Variants in PKD1 observed in about 807,000 individuals in gnomAD.
PKD1 encodes the protein polycystin-1.
A neutral mutation model predicts 361.7 loss-of-function variants in PKD1; 81 were observed. The ratio of observed to expected loss-of-function variants is 0.22; its 90% CI spans 0.19 to 0.27. The LOEUF (loss-of-function observed/expected upper bound fraction) is 0.27. Among genes scored for constraint, PKD1 ranks in the 10% least tolerant of loss-of-function variants. PKD1 has a pLI of 1.00. For synonymous variants in PKD1, 3,615 were observed against 2,818.3 expected (o/e 1.28, Z -8.95); for missense variants, 6,399 against 6,118.3 (o/e 1.05, Z -1.53).
At chr16:2,091,707 G>A in intron 41 of PKD1, 74 bp downstream of exon 41, 1 of 1,584,052 alleles carries the variant, frequency 6.3e-7, no homozygotes, top group South Asian at 1.1e-5. Flanking sequence ...GCCAGCGGGG[G>A]CCGGAGGAGT....
Position 2,116,813 on chromosome 16 carries a change from C to A in PKD1, c.1606+20G>T. The A allele has an allele frequency of 6.9e-7, 1 of 1,457,276 alleles. No homozygotes were observed. Among genetic ancestry groups the A allele is most frequent in the Non-Finnish European group, 9.3e-7 (1 of 1,077,184 alleles). The allele number at this position is 1,457,276 out of a possible 1,614,324, so 90.3% of individuals were successfully genotyped here. A position where few individuals can be genotyped will look rare whatever the true frequency, so the allele number is the denominator to read the frequency against. On this transcript the variant is annotated intron_variant, in intron 7 of 45. Coordinates refer to ENST00000262304, the MANE Select transcript of PKD1 (RefSeq NM_001009944.3). The stretch of plus-strand genomic sequence containing the variant: ...TAACCACAGCCAGCGTCTCAGGCCC[C>A]TGCCTGGCCCCCCGCACACCTCCGG...
rs376890677 is a variant in PKD1, at chr16:2,112,822, C to T, written c.3127G>A (p.Val1043Met). Residue 1043 changes from valine to methionine, a missense_variant, in exon 13 of 46, where the codon GTG (valine) becomes ATG (methionine). Transcript: ENST00000262304. ...ACCTCCACGGCCGAGTCCACCAGCA[C>T]GCCCGCCGTCAGTGCTAGCGTGGCA... ...PNATLALTAG[V>M]LVDSAVEVAF... 3.0e-5 allele frequency: 48 copies of T among 1,600,446 alleles called. No homozygotes were observed. The highest frequency in any genetic ancestry group is 3.7e-5 in the Non-Finnish European group (44 of 1,179,594).
chr16:2,104,581 G>A lies in PKD1; in HGVS notation c.8078C>T (p.Ala2693Val), dbSNP rs2092261842. ...CLKQTLHKLEAMMLILQAETT... is the reference protein window; with the variant it reads ...CLKQTLHKLEVMMLILQAETT... The stretch of plus-strand genomic sequence containing the variant: ...CTCTGCCTGCAGGATGAGCATCATG[G>A]CCTCCAGCTTGTGCAGCGTCTGCTT... The change falls in exon 22 of 46, where the codon GCC (alanine) becomes GTC (valine). Residue 2693 changes from alanine to valine, a missense_variant. Physicochemically the swap from Ala to Val is moderately conservative, Grantham distance 64. Coordinates refer to ENST00000262304, the MANE Select transcript of PKD1 (RefSeq NM_001009944.3). The A allele has an allele frequency of 1.2e-6, 2 of 1,600,300 alleles. No homozygotes were observed. The highest frequency in any genetic ancestry group is 1.7e-6 in the Non-Finnish European group (2 of 1,175,178).
rs1242083528 is a variant in PKD1, at chr16:2,090,408, G to A, written c.12321C>T (p.Arg4107=). The A allele has an allele frequency of 5.6e-6, 9 of 1,612,562 alleles. No homozygotes were observed. The East Asian group carries it at 8.9e-5, about 16-fold the overall frequency. The change falls in exon 45 of 46, where the codon CGC becomes CGT. Residue 4107 remains arginine, a synonymous_variant. Coordinates refer to ENST00000262304, the MANE Select transcript of PKD1 (RefSeq NM_001009944.3). ...GALRLGAVIL[R]WRYHALRGEL... ...CTCCACGCAAGGCGTGGTAGCGCCA[G>A]CGGAGAATAACAGCCCCCAGCCGTA...
chr16:2,119,295 G>C lies in PKD1; in HGVS notation c.287+12C>G. The C allele has an allele frequency of 9.0e-7, 1 of 1,116,174 alleles. No individual in the cohort carries two copies. Among genetic ancestry groups the C allele is most frequent in the Non-Finnish European group, 1.3e-6 (1 of 764,612 alleles). The allele number at this position is 1,116,174 out of a possible 1,614,324, so 69.1% of individuals were successfully genotyped here. Reference sequence around the variant, plus strand: ...TGAGCCCCGCATGCTGGCACGACTGGGGGACACTCACAGCTCTGCCAGCGC... The same window carrying C: ...TGAGCCCCGCATGCTGGCACGACTGCGGGACACTCACAGCTCTGCCAGCGC... On this transcript the variant is annotated intron_variant, in intron 2 of 45. Coordinates refer to ENST00000262304, the MANE Select transcript of PKD1 (RefSeq NM_001009944.3).
rs1408210059 is a variant in PKD1 at position 2,118,626 on chromosome 16, G to A, written c.529+50C>T. The A allele has an allele frequency of 5.1e-6, 5 of 972,138 alleles. No individual in the cohort carries two copies. In the East Asian group the frequency reaches 1.0e-4, roughly 20 times the overall value. The allele number at this position is 972,138 out of a possible 1,614,324, so 60.2% of individuals were successfully genotyped here. Reference sequence around the variant, plus strand: ...CCTGCCCAGTGTCTGCAGGGCCCAGGTCCCACCTGGCTGGGAAGGACAGAG... The same window carrying A: ...CCTGCCCAGTGTCTGCAGGGCCCAGATCCCACCTGGCTGGGAAGGACAGAG... On this transcript the variant is annotated intron_variant, in intron 4 of 45. Transcript: ENST00000262304. The surrounding 1 kb of genome is among the most constrained non-coding windows in gnomAD (Gnocchi z 6.0).
rs1443010363 is a variant in PKD1, at chr16:2,135,655, G to C, written c.35C>G (p.Ala12Gly). The C allele has an allele frequency of 2.5e-6, 2 of 795,004 alleles. No homozygotes were observed. The highest frequency in any genetic ancestry group is 1.2e-4 in the East Asian group (1 of 8,098). 49.2% of individuals were successfully genotyped at this position (795,004 alleles called of 1,614,324 possible). A position where few individuals can be genotyped will look rare whatever the true frequency, so the allele number is the denominator to read the frequency against. ...CCCGAGCCACAGGCCCAGGCCCAGGGCCAGCGCCAGGCGGGCGGGCGCGGC... is the reference window on the plus strand; with the variant it reads ...CCCGAGCCACAGGCCCAGGCCCAGGCCCAGCGCCAGGCGGGCGGGCGCGGC... ...PPAAPARLAL[A>G]LGLGLWLGAL... Residue 12 changes from alanine (A) to glycine (G), a missense_variant, in exon 1 of 46, where the codon GCC (alanine) becomes GGC (glycine). Physicochemically the swap from Ala to Gly is moderately conservative, Grantham distance 60 (BLOSUM62 0). Coordinates refer to ENST00000262304, the MANE Select transcript of PKD1 (RefSeq NM_001009944.3).
chr16:2,124,186 T>C (rs1358726210), intron 1 of PKD1, among the ~76,000 whole-genome samples: 3 of 152,198 alleles, frequency 2.0e-5, no homozygotes, highest in African/African-American at 4.8e-5. Context: ...TCCACACCCG[T>C]CACAGGTGGG....
rs368013485 is a variant in PKD1 at position 2,089,021 on chromosome 16, G to A, written c.*706C>T. 37 of 214,796 alleles carry A rather than the reference G, an allele frequency of 1.7e-4. No homozygotes were observed. Among genetic ancestry groups the A allele is most frequent in the South Asian group, 1.0e-3 (13 of 12,626 alleles). 13.3% of individuals were successfully genotyped at this position (214,796 alleles called of 1,614,324 possible). On this transcript the variant is annotated 3_prime_UTR_variant, in exon 46 of 46. Transcript: ENST00000262304. Reference sequence around the variant, plus strand: ...AGACCTGATGCCAGCAGGCCTGGGCGCTGCTCTCTTGCTACCTGGCCTGGG... The same window carrying A: ...AGACCTGATGCCAGCAGGCCTGGGCACTGCTCTCTTGCTACCTGGCCTGGG...
rs543166733 is a variant in PKD1, at chr16:2,114,809, G to C, written c.2214C>G (p.Pro738=). ...HCSPAPGHPG[P]RAPYLSANAS... ...CGTTGGCGGAGAGGTACGGGGCCCG[G>C]GGACCAGGGTGGCCGGGAGCCGGCG... The change falls in exon 11 of 46, where the codon CCC becomes CCG. Residue 738 remains proline (P), a synonymous_variant. Transcript: ENST00000262304. 6.7e-3 allele frequency: 6,582 copies of C among 979,188 alleles called. 311 individuals are homozygous for C. The African/African-American group carries it at 0.092, about 14-fold the overall frequency. 60.7% of individuals were successfully genotyped at this position (979,188 alleles called of 1,614,324 possible).
chr16:2,091,012 C>A lies in PKD1; in HGVS notation c.11875G>T (p.Ala3959Ser), dbSNP rs756245085. 1.3e-6 allele frequency: 2 copies of A among 1,533,414 alleles called. No individual in the cohort carries two copies. Among genetic ancestry groups the A allele is most frequent in the South Asian group, 1.2e-5 (1 of 84,084 alleles). 95.0% of individuals were successfully genotyped at this position (1,533,414 alleles called of 1,614,324 possible). A position where few individuals can be genotyped will look rare whatever the true frequency, so the allele number is the denominator to read the frequency against. Reference sequence around the variant, plus strand: ...ACGAAACGGGTCCACTGGCGGTCAGCGGCACCCAGCTGGGCGAGGCGTACC... The same window carrying A: ...ACGAAACGGGTCCACTGGCGGTCAGAGGCACCCAGCTGGGCGAGGCGTACC... ...ALVRLAQLGA[A>S]DRQWTRFVRG... Residue 3959 changes from alanine (A) to serine (S), a missense_variant, in exon 43 of 46, where the codon GCT becomes TCT. Coordinates refer to ENST00000262304, the MANE Select transcript of PKD1 (RefSeq NM_001009944.3).
At position 2,118,987 on chromosome 16, in the gene PKD1, C is replaced by T. The variant is rs2092681874; in HGVS notation, c.359+127G>A. On this transcript the variant is annotated intron_variant, in intron 3 of 45. Coordinates refer to ENST00000262304, the MANE Select transcript of PKD1 (RefSeq NM_001009944.3). The surrounding 1 kb of genome is among the most constrained non-coding windows in gnomAD (Gnocchi z 6.0). Reference sequence around the variant, plus strand: ...CAAGCCGGCACTGGGGGGCTCCAAGCAGGCAGTGAACTGCCCCCAGGATCT... The same window carrying T: ...CAAGCCGGCACTGGGGGGCTCCAAGTAGGCAGTGAACTGCCCCCAGGATCT... The T allele has an allele frequency of 4.4e-6, 4 of 902,878 alleles. No individual in the cohort carries two copies. Among genetic ancestry groups the T allele is most frequent in the Admixed American group, 4.0e-5 (2 of 49,782 alleles). 55.9% of individuals were successfully genotyped at this position (902,878 alleles called of 1,614,324 possible).
chr16:2,108,065 G>T (rs1398882017), intron 15 of PKD1, 33 bp from the exon 16 acceptor site: 2 of 1,586,066 alleles, frequency 1.3e-6, no homozygotes, highest in Non-Finnish European at 1.7e-6. Context: ...GACGTGGCCT[G>T]AGAGCCCCAT....
intron 1 of PKD1, among the ~76,000 whole-genome samples, chr16:2,122,379 C>A (rs1404110140): frequency 6.6e-6 from 1 of 152,214 alleles, no homozygotes; most frequent in Non-Finnish European, 1.5e-5. Flanking sequence ...GGGGGCCAGG[C>A]ACACAGGGAA....
In PKD1 at chr16:2,114,828, G is replaced by A. The variant is rs1483679506; in HGVS notation, c.2195C>T (p.Ala732Val). The part of the protein sequence containing the change: ...GPGALLHCSP[A>V]PGHPGPRAPY... ...GGCCCGGGGACCAGGGTGGCCGGGA[G>A]CCGGCGAGCAGTGCAGGAGGGCGCC... Residue 732 changes from alanine to valine, a missense_variant, in exon 11 of 46, where the codon GCT (alanine) becomes GTT (valine). Physicochemically the swap from Ala to Val is moderately conservative, Grantham distance 64. Transcript: ENST00000262304. 7.2e-5 allele frequency: 94 copies of A among 1,301,930 alleles called. No homozygotes were observed. The highest frequency in any genetic ancestry group is 9.8e-5 in the Non-Finnish European group (92 of 936,606). The allele number at this position is 1,301,930 out of a possible 1,614,324, so 80.6% of individuals were successfully genotyped here.
chr16:2,126,908 C>T (rs1315283833), intron 1 of PKD1, among the ~76,000 whole-genome samples: 2 of 152,168 alleles, frequency 1.3e-5, no homozygotes, highest in Admixed American at 6.5e-5. Context: ...CTTGCAGATG[C>T]GGGACCCACA....
chr16:2,097,430 T>C lies in PKD1; in HGVS notation c.10294A>G (p.Ser3432Gly). ...CCCCGTGCCAGCTGCCGCAGATTGC[T>C]ACCCACAATGGACGGGTCACTGAGC... is the stretch of plus-strand genomic sequence containing the variant. ...DLLSDPSIVG[S>G]NLRQLARGQA... Residue 3432 changes from serine to glycine, a missense_variant, in exon 33 of 46, where the codon AGC (serine) becomes GGC (glycine). Ser to Gly is a moderately conservative substitution (Grantham distance 56). Transcript: ENST00000262304. The C allele has an allele frequency of 6.2e-7, 1 of 1,608,264 alleles. No homozygotes were observed. The highest frequency in any genetic ancestry group is 8.5e-7 in the Non-Finnish European group (1 of 1,179,930).
chr16:2,132,480 C>G (rs938628435), intron 1 of PKD1, among the ~76,000 whole-genome samples: 3 of 147,086 alleles, frequency 2.0e-5, no homozygotes, highest in African/African-American at 5.1e-5. Context: ...GAGGCTGAGG[C>G]AGGAGAATCG....
intron 1 of PKD1, among the ~76,000 whole-genome samples, chr16:2,133,700 C>T (rs2092916053): frequency 6.6e-6 from 1 of 152,048 alleles, no homozygotes; most frequent in Admixed American, 6.5e-5. Context: ...AGCGGCGGCC[C>T]CAGGTGTGTA....
Sources: allele counts gnomAD v4.1 joint callset (sites outside exome capture counted in the v4.1 genomes callset), GRCh38; gene constraint gnomAD v4.1.1; non-coding constraint Gnocchi (gnomAD v3.1); transcripts MANE v1.5; gene names NCBI Gene and HGNC (gene_info 2026-07-23, HGNC 2026-07-21).